MYO15A: variants seen among roughly 807,000 people sequenced by gnomAD.
MYO15A encodes the protein unconventional myosin-XV.
MYO15A carries 308 observed loss-of-function variants against 394.6 expected under a neutral mutation model. The ratio of observed to expected loss-of-function variants is 0.78; its 90% CI spans 0.71 to 0.86. MYO15A has a LOEUF of 0.86. MYO15A is among the 40% of genes least tolerant of loss of function. MYO15A has a pLI of 0.00. For synonymous variants in MYO15A, 1,957 were observed against 2,003.8 expected (o/e 0.98, Z 0.62); for missense variants, 4,606 against 4,799.1 (o/e 0.96, Z 1.19).
At chr17:18,159,891 C>T (rs1347320937) in intron 55 of MYO15A, 44 bp from the exon 56 acceptor site, 2 of 1,598,624 alleles carry the variant, frequency 1.3e-6, no homozygotes, top group African/African-American at 2.7e-5. Context: ...TATGACATAG[C>T]CCCTCACATG....
chr17:18,119,665 T>G lies in MYO15A; in HGVS notation c.865T>G (p.Tyr289Asp), dbSNP rs202095520. Reference sequence around the variant, plus strand: ...GTACCCGCCCGAGGATCCCTACGACTACTACCACCCCGACTATTACGGTGG... The same window carrying G: ...GTACCCGCCCGAGGATCCCTACGACGACTACCACCCCGACTATTACGGTGG... ...YGYPPEDPYDYYHPDYYGGPF... is the reference protein window; with the variant it reads ...YGYPPEDPYDDYHPDYYGGPF... The change falls in exon 2 of 66, where the codon TAC becomes GAC. Residue 289 changes from tyrosine to aspartate, a missense_variant. Physicochemically the swap from Tyr to Asp is radical, Grantham distance 160. Coordinates refer to ENST00000647165, the MANE Select transcript of MYO15A (RefSeq NM_016239.4). 1.2e-6 allele frequency: 2 copies of G among 1,605,844 alleles called. No individual in the cohort carries two copies. The highest frequency in any genetic ancestry group is 2.7e-5 in the African/African-American group (2 of 75,008).
chr17:18,145,962 G>C lies in MYO15A; in HGVS notation c.6364G>C (p.Glu2122Gln). Residue 2122 changes from glutamate to glutamine, a missense_variant, in exon 30 of 66, where the codon GAG (glutamate) becomes CAG (glutamine). Physicochemically the swap from Glu to Gln is conservative, Grantham distance 29. This residue lies in a region of MYO15A where 2,776 missense variants were observed against 3,109.3 expected (regional missense o/e 0.89). Transcript: ENST00000647165. ...YIVQKGLAVP[E>Q]LRDEILAQLA... Reference sequence around the variant, plus strand: ...CGTGCAGAAGGGGCTGGCGGTGCCTGAGCTGCGGGATGAGATCCTGGCACA... The same window carrying C: ...CGTGCAGAAGGGGCTGGCGGTGCCTCAGCTGCGGGATGAGATCCTGGCACA... 1 of 1,613,804 alleles carries C rather than the reference G, an allele frequency of 6.2e-7. No homozygotes were observed. Among genetic ancestry groups the C allele is most frequent in the Middle Eastern group, 1.6e-4 (1 of 6,062 alleles).
chr17:18,126,478 C>T (rs1192191232), intron 5 of MYO15A, 22 bp downstream of exon 5: 23 of 1,604,418 alleles, frequency 1.4e-5, no homozygotes, highest in Non-Finnish European at 2.0e-5. Flanking sequence ...GGGGGCGCTG[C>T]CCTGGGGTCT....
rs780884451 is a variant in MYO15A at position 18,157,745 on chromosome 17, G to C, written c.8812G>C (p.Gly2938Arg). The stretch of plus-strand genomic sequence containing the variant: ...AGGCTGGAGGTTCGGGACCATCCAC[G>C]GGCGCGTGGGCCGCTTCCCTTCGGA... ...DFGWRFGTIH[G>R]RVGRFPSELV... Residue 2938 changes from glycine (G) to arginine (R), a missense_variant, in exon 51 of 66, where the codon GGG becomes CGG. Physicochemically the swap from Gly to Arg is moderately radical, Grantham distance 125. Coordinates refer to ENST00000647165, the MANE Select transcript of MYO15A (RefSeq NM_016239.4). 6.2e-7 allele frequency: 1 copy of C among 1,606,296 alleles called. No individual in the cohort carries two copies. The highest frequency in any genetic ancestry group is 1.1e-5 in the South Asian group (1 of 91,078).
chr17:18,137,638 C>A lies in MYO15A; in HGVS notation c.4834C>A (p.Leu1612Ile). 1.2e-6 allele frequency: 2 copies of A among 1,614,206 alleles called. No individual in the cohort carries two copies. Among genetic ancestry groups the A allele is most frequent in the Non-Finnish European group, 1.7e-6 (2 of 1,180,036 alleles). Residue 1612 changes from leucine to isoleucine, a missense_variant, in exon 16 of 66, where the codon CTT becomes ATT. Leu to Ile is a conservative substitution (Grantham distance 5). This residue lies in a region of MYO15A where 2,776 missense variants were observed against 3,109.3 expected (regional missense o/e 0.89). Transcript: ENST00000647165. ...QLCINYANEN[L>I]QYLFNKIVFQ... ...GTGTATTAACTACGCAAACGAGAAC[C>A]TTCAGTACCTTTTCAACAAGATCGT...
At chr17:18,139,489 A>G (rs776997635) in intron 18 of MYO15A, 45 bp from the exon 19 acceptor site, 17 of 1,593,250 alleles carry the variant, frequency 1.1e-5, no homozygotes, top group Non-Finnish European at 1.1e-5. Flanking sequence ...GGATAGACAG[A>G]GAGACAGAGG....
Position 18,127,133 on chromosome 17 carries a change from G to T in MYO15A, c.4000G>T (p.Ala1334Ser), listed in dbSNP as rs372116433. 1.2e-6 allele frequency: 2 copies of T among 1,613,860 alleles called. No individual in the cohort carries two copies. Among genetic ancestry groups the T allele is most frequent in the South Asian group, 2.2e-5 (2 of 91,070 alleles). Residue 1334 changes from alanine (A) to serine (S), a missense_variant, in exon 7 of 66, where the codon GCC (alanine) becomes TCC (serine). Physicochemically the swap from Ala to Ser is moderately conservative, Grantham distance 99. Transcript: ENST00000647165. ...CAAGCTGATTCTGCGCTACCTGGCC[G>T]CCATGAACCAGAAACGGGAGGTCAT... ...ATKLILRYLA[A>S]MNQKREVMQQ... is the part of the protein sequence containing the mutation.
At chr17:18,139,469 G>A in intron 18 of MYO15A, 65 bp from the exon 19 acceptor site, 1 of 1,533,288 alleles carries the variant, frequency 6.5e-7, no homozygotes, top group Non-Finnish European at 8.9e-7. Flanking sequence ...GGAGGATCCA[G>A]TCCCTCCTAG....
chr17:18,163,358 A>T (rs760762436), intron 59 of MYO15A, 37 bp downstream of exon 59: 2 of 1,601,538 alleles, frequency 1.2e-6, no homozygotes, highest in Non-Finnish European at 1.7e-6. Flanking sequence ...CAGGTACTGG[A>T]GGGGCAGGGA....
rs1360211878 is a variant in MYO15A, at chr17:18,126,471, G to A, written c.3866+15G>A. On this transcript the variant is annotated intron_variant, in intron 5 of 65. Coordinates refer to ENST00000647165, the MANE Select transcript of MYO15A (RefSeq NM_016239.4). ...GAGAATCCCCCGTGAGTGTCTCGGG[G>A]GCGCTGCCCTGGGGTCTCTTGGGCC... 1.7e-5 allele frequency: 28 copies of A among 1,611,572 alleles called. No homozygotes were observed. The highest frequency in any genetic ancestry group is 1.2e-4 in the Admixed American group (7 of 59,948).
intron 57 of MYO15A, among the ~76,000 whole-genome samples, chr17:18,161,761 A>T (rs1227810767): frequency 6.6e-6 from 1 of 152,142 alleles, no homozygotes; most frequent in Non-Finnish European, 1.5e-5. Flanking sequence ...GTGGGAGAAG[A>T]GAAGGAGGTG....
chr17:18,130,703 C>A, intron 7 of MYO15A, 102 bp from the exon 8 acceptor site: 1 of 1,597,466 alleles, frequency 6.3e-7, no homozygotes, highest in Non-Finnish European at 8.6e-7. Flanking sequence ...CCTCCCTGGT[C>A]TGAGGCTCCT....
rs878854413 is a variant in MYO15A, at chr17:18,140,638, TC to T, written c.5335del (p.Leu1779TrpfsTer18). The T allele has an allele frequency of 6.2e-7, 1 of 1,613,858 alleles. No individual in the cohort carries two copies. Among genetic ancestry groups the T allele is most frequent in the South Asian group, 1.1e-5 (1 of 91,078 alleles). ...HTVAAKFQQS[L>X]LDLVEKMERC... ...GTGGCCGCCAAGTTCCAGCAGTCAC[TC>T]CTGGATCTGGTGGAAAAGATGGAGA... On this transcript the variant is annotated frameshift_variant, in exon 20 of 66. Transcript: ENST00000647165. LOFTEE classifies it high-confidence loss of function.
At position 18,179,021 on chromosome 17, in the gene MYO15A, A is replaced by C; in HGVS notation, c.*151A>C. Reference sequence around the variant, plus strand: ...GGCAGGAGGAGCAACTCAAATCCCCAAGAACACAAGAAGACCCATCCTGAA... The same window carrying C: ...GGCAGGAGGAGCAACTCAAATCCCCCAGAACACAAGAAGACCCATCCTGAA... On this transcript the variant is annotated 3_prime_UTR_variant, in exon 66 of 66. Transcript: ENST00000647165. The C allele has an allele frequency of 1.3e-6, 1 of 752,688 alleles. No homozygotes were observed. The highest frequency in any genetic ancestry group is 2.3e-6 in the Non-Finnish European group (1 of 440,674). The allele number at this position is 752,688 out of a possible 1,614,324, so 46.6% of individuals were successfully genotyped here.
intron 2 of MYO15A, chr17:18,124,228 C>A (rs1032501732): frequency 1.2e-5 from 7 of 566,946 alleles, no homozygotes; most frequent in South Asian, 9.3e-5. Flanking sequence ...TTGTTCACCC[C>A]CTAGGGCAGG....
intron 7 of MYO15A, 142 bp from the exon 8 acceptor site, chr17:18,130,663 G>A: frequency 7.1e-7 from 1 of 1,417,472 alleles, no homozygotes; most frequent in Admixed American, 1.8e-5. Context: ...GACCCCTGGG[G>A]TCTCTGAGCC....
chr17:18,154,024 G>A, intron 43 of MYO15A, 107 bp from the exon 44 acceptor site: 1 of 1,601,744 alleles, frequency 6.2e-7, no homozygotes, highest in Admixed American at 1.7e-5. Context: ...GCTGAAACCA[G>A]GGGTGGGGTT....
In MYO15A at chr17:18,150,913, G is replaced by A. The variant is rs760526499; in HGVS notation, c.7473G>A (p.Glu2491=). 3 of 1,603,472 alleles carry A rather than the reference G, an allele frequency of 1.9e-6. No individual in the cohort carries two copies. In the East Asian group the frequency reaches 6.8e-5, roughly 36 times the overall value. The stretch of plus-strand genomic sequence containing the variant: ...CTGCCCTGAGATCCTTGCCCGCAGA[G>A]GTGAGCCTGGCCTGCCCAGGGTGCA... ...LSAALRSLPA[E]KPPAPEAQPT... is the part of the protein sequence containing the mutation. Residue 2491 remains glutamate, a splice_region_variant and synonymous_variant, in exon 38 of 66, where the codon GAG becomes GAA. Transcript: ENST00000647165. The surrounding 1 kb of genome is among the most constrained non-coding windows in gnomAD (Gnocchi z 4.4).
Position 18,153,480 on chromosome 17 carries a change from T to A in MYO15A, c.7967-295T>A, listed in dbSNP as rs150731169. 389 of 165,196 alleles carry A rather than the reference T, an allele frequency of 2.4e-3. 2 individuals are homozygous for A. Among genetic ancestry groups the A allele is most frequent in the African/African-American group, 8.8e-3 (366 of 41,714 alleles). 10.2% of individuals were successfully genotyped at this position (165,196 alleles called of 1,614,324 possible). A position where few individuals can be genotyped will look rare whatever the true frequency, so the allele number is the denominator to read the frequency against. On this transcript the variant is annotated intron_variant, in intron 42 of 65. Coordinates refer to ENST00000647165, the MANE Select transcript of MYO15A (RefSeq NM_016239.4). The surrounding 1 kb of genome is among the most constrained non-coding windows in gnomAD (Gnocchi z 4.1). Reference sequence around the variant, plus strand: ...GGGAGGCCGAGGCGGGCGGACCACCTGAGGTCAGGAATTTGAGACTAGCCG... The same window carrying A: ...GGGAGGCCGAGGCGGGCGGACCACCAGAGGTCAGGAATTTGAGACTAGCCG...
Sources: gnomAD v4.1 joint callset for allele counts (sites outside exome capture counted in the v4.1 genomes callset) on GRCh38, gnomAD v4.1.1 for gene constraint, gnomAD v4.1.1 regional missense constraint, Gnocchi (gnomAD v3.1) non-coding constraint, MANE v1.5 for transcripts, NCBI Gene and HGNC (gene_info 2026-07-23, HGNC 2026-07-21) for gene names.